NAV2: variants seen among roughly 807,000 people sequenced by gnomAD.
NAV2 encodes the protein neuron navigator 2.
A neutral mutation model predicts 223.2 loss-of-function variants in NAV2; 54 were observed. The observed-to-expected ratio is 0.24, with a 90% confidence interval of 0.19 to 0.30. The LOEUF (loss-of-function observed/expected upper bound fraction) is 0.30, where lower values mean the gene tolerates loss of function less well. Ranked by LOEUF, NAV2 falls within the 10% of genes least tolerant of loss-of-function variation. The probability of loss-of-function intolerance (pLI) is 1.00; values close to 1 mark genes in which losing one functional copy is unlikely to be tolerated. For synonymous variants in NAV2, 1,279 were observed against 1,239.3 expected (o/e 1.03, Z -0.67); for missense variants, 2,806 against 3,147.5 (o/e 0.89, Z 2.60).
At chr11:20,004,081 A>C (rs2153492080) in intron 11 of NAV2, among the ~76,000 whole-genome samples, 1 of 152,282 alleles carries the variant, frequency 6.6e-6, no homozygotes, top group Non-Finnish European at 1.5e-5. Context: ...ATTGGTTCCC[A>C]AACACCAGGG....
At chr11:19,910,661 C>T (rs2043228083) in intron 6 of NAV2, among the ~76,000 whole-genome samples, 1 of 152,166 alleles carries the variant, frequency 6.6e-6, no homozygotes, top group Non-Finnish European at 1.5e-5. Context: ...GAGTCCAAGA[C>T]CAGCCTGGGC....
chr11:19,919,675 A>T (rs1294829801), intron 6 of NAV2, among the ~76,000 whole-genome samples: 1 of 152,248 alleles, frequency 6.6e-6, no homozygotes, highest in Non-Finnish European at 1.5e-5. Context: ...AATTTGGTGT[A>T]GCTACACCTT....
At chr11:19,973,396 G>A (rs948879593) in intron 10 of NAV2, among the ~76,000 whole-genome samples, 13 of 152,290 alleles carry the variant, frequency 8.5e-5, no homozygotes, top group Middle Eastern at 3.4e-3. Flanking sequence ...AGCAGAAATC[G>A]CAGGAATGAT....
chr11:19,780,803 A>C (rs947495381), intron 1 of NAV2, among the ~76,000 whole-genome samples: 7 of 152,224 alleles, frequency 4.6e-5, no homozygotes, highest in Admixed American at 4.6e-4. Flanking sequence ...TTCTCCACAC[A>C]CAGAGAAAAG....
chr11:19,524,968 T>TG (rs1454074374), intron 1 of NAV2, among the ~76,000 whole-genome samples: 1 of 152,252 alleles, frequency 6.6e-6, no homozygotes, highest in African/African-American at 2.4e-5. Context: ...TTTGGAGATG[T>TG]GGGGTTTTTT....
At chr11:19,856,955 ATAGT>A (rs2061440507) in intron 3 of NAV2, among the ~76,000 whole-genome samples, 1 of 152,252 alleles carries the variant, frequency 6.6e-6, no homozygotes, top group Non-Finnish European at 1.5e-5. Context: ...TAAGCTGCCG[ATAGT>A]GGCAAATTGG....
intron 1 of NAV2, among the ~76,000 whole-genome samples, chr11:19,545,400 C>T (rs75237105): frequency 1.1e-3 from 169 of 152,236 alleles, no homozygotes; most frequent in African/African-American, 3.7e-3. Context: ...CCTCTAAGGA[C>T]GGCTCCCTTC....
intron 1 of NAV2, among the ~76,000 whole-genome samples, chr11:19,497,201 A>ATAATGAC (rs1229900439): frequency 6.6e-6 from 1 of 152,218 alleles, no homozygotes; most frequent in Non-Finnish European, 1.5e-5. Context: ...ACTTCTGTAA[A>ATAATGAC]ATGGCAATAA....
intron 1 of NAV2, among the ~76,000 whole-genome samples, chr11:19,425,704 A>G (rs1008256111): frequency 6.6e-6 from 1 of 152,220 alleles, no homozygotes; most frequent in African/African-American, 2.4e-5. Flanking sequence ...ATAATGGAGG[A>G]TTATCCAGAA....
chr11:20,031,154 C>T (rs12787448), intron 11 of NAV2, among the ~76,000 whole-genome samples: 3,302 of 152,282 alleles, frequency 0.022, 62 homozygotes, highest in East Asian at 0.044. Context: ...ATCATAGCTG[C>T]GTACACTGTA....
intron 2 of NAV2, among the ~76,000 whole-genome samples, chr11:19,842,663 G>A (rs980121993): frequency 3.9e-5 from 6 of 152,094 alleles, no homozygotes; most frequent in East Asian, 1.9e-4. Context: ...TTTAGATGAC[G>A]ACCTTGCCCC....
chr11:19,707,402 T>C (rs1301235017), intron 1 of NAV2, among the ~76,000 whole-genome samples: 1 of 152,236 alleles, frequency 6.6e-6, no homozygotes, highest in East Asian at 1.9e-4. Context: ...TAGTTATTTT[T>C]TTAACTTTTT....
intron 1 of NAV2, among the ~76,000 whole-genome samples, chr11:19,760,714 T>C (rs187999260): frequency 2.8e-4 from 42 of 152,300 alleles, no homozygotes; most frequent in South Asian, 6.2e-4. Flanking sequence ...GGAATTTAGC[T>C]AGGAGAACCA....
chr11:20,097,778 C>A, intron 31 of NAV2, 33 bp downstream of exon 31: 2 of 1,530,218 alleles, frequency 1.3e-6, no homozygotes, highest in Non-Finnish European at 1.8e-6. Context: ...TCGGAGCTTT[C>A]AGGAATTGCA....
At chr11:19,752,930 T>C (rs2053946826) in intron 1 of NAV2, among the ~76,000 whole-genome samples, 1 of 152,114 alleles carries the variant, frequency 6.6e-6, no homozygotes, top group Non-Finnish European at 1.5e-5. Context: ...CTTTGGGAGG[T>C]AACGAGGTTG....
chr11:20,076,570 T>C (rs752471610), intron 22 of NAV2, among the ~76,000 whole-genome samples: 3 of 152,192 alleles, frequency 2.0e-5, no homozygotes, highest in Non-Finnish European at 4.4e-5. Context: ...TTGAAACAGC[T>C]CCATTCTTTA....
intron 1 of NAV2, chr11:19,777,572 C>A: frequency 6.6e-6 from 3 of 454,646 alleles, no homozygotes; most frequent in Non-Finnish European, 8.8e-6. Context: ...TTTTAACCCC[C>A]CACCCCGCCC....
chr11:19,603,631 C>CAAA (rs1222524445), intron 1 of NAV2, among the ~76,000 whole-genome samples: 2 of 57,700 alleles, frequency 3.5e-5, no homozygotes, highest in African/African-American at 4.6e-5. Context: ...GACTCCATCT[C>CAAA]AAAAAAAAAA....
rs78797798 is a variant in NAV2 at position 20,023,701 on chromosome 11, T to G, written c.2769-12258T>G. 1.6e-3 allele frequency among the ~76,000 whole-genome samples: 25 copies of G among 15,362 alleles called. No homozygotes were observed. In the East Asian group the frequency reaches 0.018, roughly 11 times the overall value. The allele number at this position is 15,362 out of a possible 152,430, so 10.1% of individuals were successfully genotyped here. ...TGTGTTTATACAGCAAATTGCTGGG[T>G]GTGTGTGTGTGTGTGTGTGTGTGTG... On this transcript the variant is annotated intron_variant, in intron 11 of 37. Transcript: ENST00000349880.
Sources: allele counts gnomAD v4.1 joint callset (sites outside exome capture counted in the v4.1 genomes callset), GRCh38; gene constraint gnomAD v4.1.1; transcripts MANE v1.5; gene names NCBI Gene and HGNC (gene_info 2026-07-23, HGNC 2026-07-21).